The following DMD variants were observed in gnomAD, a reference collection of about 807,000 sequenced individuals.
The protein encoded by DMD is dystrophin, also known as mutant dystrophin.
A neutral mutation model predicts 330.1 loss-of-function variants in DMD; 63 were observed. The observed-to-expected ratio is 0.19, with a 90% CI of 0.16 to 0.24. The LOEUF is 0.24. Ranked by LOEUF, DMD falls within the 10% of genes least tolerant of loss-of-function variation. The probability of loss-of-function intolerance (pLI) is 1.00; values close to 1 mark genes in which losing one functional copy is unlikely to be tolerated. For synonymous variants in DMD, 1,223 were observed against 959.8 expected (o/e 1.27, Z -5.07); for missense variants, 3,344 against 2,684.1 (o/e 1.25, Z -5.43).
intron 59 of DMD, among the ~76,000 whole-genome samples, chrX:31,464,597 G>A (rs1465570513): frequency 7.1e-5 from 8 of 112,344 alleles, no homozygotes; most frequent in South Asian, 7.4e-4. Context: ...GTTTTAAATC[G>A]TTTGTTTGGT....
At chrX:31,670,371 T>A (rs1316384460) in intron 53 of DMD, among the ~76,000 whole-genome samples, 1 of 112,265 alleles carries the variant, frequency 8.9e-6, no homozygotes, top group East Asian at 2.8e-4. Context: ...CACTATTTCC[T>A]GATCTTAGGG....
At chrX:31,881,765 C>T (rs931208328) in intron 47 of DMD, among the ~76,000 whole-genome samples, 2 of 112,028 alleles carry the variant, frequency 1.8e-5, no homozygotes, top group South Asian at 3.7e-4. Context: ...GTGCAGTAGG[C>T]TATACCATCT....
At chrX:32,696,674 A>G (rs1432280214) in intron 9 of DMD, among the ~76,000 whole-genome samples, 1 of 111,207 alleles carries the variant, frequency 9.0e-6, no homozygotes, top group African/African-American at 3.3e-5. Flanking sequence ...AGCTCAATAA[A>G]GTGATAATGA....
intron 61 of DMD, among the ~76,000 whole-genome samples, chrX:31,325,057 C>A (rs1002642006): frequency 2.7e-5 from 3 of 111,973 alleles, no homozygotes; most frequent in African/African-American, 9.7e-5. Context: ...TTCATTTTGG[C>A]AGACGGAAAT....
rs760459966 is a variant in DMD at position 32,938,696 on chromosome X, A to AT, written c.93+81442dup. Reference sequence around the variant, plus strand: ...ATTGAAAAGTAGGTAGACAACATTTATTTTTTGTCTTTATTTGCCAAACGA... The same window carrying AT: ...ATTGAAAAGTAGGTAGACAACATTTATTTTTTTGTCTTTATTTGCCAAACGA... On this transcript the variant is annotated intron_variant, in intron 2 of 78. Transcript: ENST00000357033. 6.3e-5 allele frequency among the ~76,000 whole-genome samples: 7 copies of AT among 111,450 alleles called. No homozygotes were observed. The South Asian group carries it at 2.3e-3, about 36-fold the overall frequency.
At chrX:31,822,975 C>A (rs1162224462) in intron 49 of DMD, among the ~76,000 whole-genome samples, 1 of 105,393 alleles carries the variant, frequency 9.5e-6, no homozygotes. Flanking sequence ...ACGCCCCTTC[C>A]CCTTCCTCTC....
At chrX:32,849,587 G>C (rs2080964222) in intron 3 of DMD, 141 bp downstream of exon 3, 1 of 454,655 alleles carries the variant, frequency 2.2e-6, no homozygotes, top group African/African-American at 2.5e-5. Context: ...AATCATACGA[G>C]GTTGCTTTAC....
chrX:32,416,356 G>A (rs1350053872), intron 29 of DMD, among the ~76,000 whole-genome samples: 2 of 111,625 alleles, frequency 1.8e-5, no homozygotes, highest in Non-Finnish European at 3.8e-5. Context: ...CAATCATCTC[G>A]TAATAAGACA....
At chrX:32,467,260 T>G (rs1017859675) in intron 23 of DMD, among the ~76,000 whole-genome samples, 2 of 111,837 alleles carry the variant, frequency 1.8e-5, no homozygotes, top group African/African-American at 3.2e-5. Context: ...CCATAACGTT[T>G]TCGACATTTC....
intron 67 of DMD, among the ~76,000 whole-genome samples, chrX:31,201,207 A>G (rs1384312208): frequency 9.2e-6 from 1 of 109,192 alleles, no homozygotes; most frequent in East Asian, 2.9e-4. Context: ...ACGCACACAC[A>G]CACACATACA....
chrX:32,722,322 A>G (rs2066412240), intron 7 of DMD, among the ~76,000 whole-genome samples: 1 of 111,302 alleles, frequency 9.0e-6, no homozygotes, highest in Admixed American at 9.6e-5. Context: ...TACAAGTAAA[A>G]ATAATATATG....
intron 44 of DMD, among the ~76,000 whole-genome samples, chrX:32,082,283 G>A (rs1192837316): frequency 9.0e-6 from 1 of 111,059 alleles, no homozygotes; most frequent in East Asian, 2.9e-4. Flanking sequence ...GGAGTGCAGT[G>A]GCAGGAGGGA....
chrX:32,019,835 T>C (rs1253725708), intron 44 of DMD, among the ~76,000 whole-genome samples: 1 of 112,628 alleles, frequency 8.9e-6, no homozygotes, highest in African/African-American at 3.2e-5. Context: ...TTCAGATAAC[T>C]TATTTTAGTT....
At chrX:32,353,571 C>T (rs1439914192) in intron 37 of DMD, among the ~76,000 whole-genome samples, 2 of 111,306 alleles carry the variant, frequency 1.8e-5, no homozygotes, top group East Asian at 5.6e-4. Flanking sequence ...AATTAAATCA[C>T]ACAATGTTAG....
At chrX:32,787,514 T>C (rs2075487558) in intron 7 of DMD, among the ~76,000 whole-genome samples, 2 of 110,731 alleles carry the variant, frequency 1.8e-5, no homozygotes, top group Admixed American at 1.9e-4. Flanking sequence ...TTCCAAGACC[T>C]ACAGCAGATG....
intron 55 of DMD, among the ~76,000 whole-genome samples, chrX:31,594,304 A>C (rs973459651): frequency 3.6e-5 from 4 of 110,527 alleles, no homozygotes; most frequent in Non-Finnish European, 7.6e-5. Context: ...CAATAGACAA[A>C]TTAGCTCAGA....
At chrX:31,657,215 A>C (rs2080833782) in intron 54 of DMD, among the ~76,000 whole-genome samples, 1 of 111,655 alleles carries the variant, frequency 9.0e-6, no homozygotes, top group Non-Finnish European at 1.9e-5. Context: ...GTAATTGTAC[A>C]TTCTGCAAAG....
chrX:33,330,140 CTT>C (rs1379067150), intron 1 of DMD, among the ~76,000 whole-genome samples: 1 of 110,285 alleles, frequency 9.1e-6, no homozygotes, highest in East Asian at 2.9e-4. Context: ...GAGAGAGAGA[CTT>C]TTTTCGATAA....
intron 44 of DMD, among the ~76,000 whole-genome samples, chrX:32,141,734 T>C (rs978855476): frequency 6.6e-5 from 7 of 106,033 alleles, no homozygotes; most frequent in Admixed American, 4.1e-4. Flanking sequence ...CGATCTTGCA[T>C]GGTTTCTCAA....
Sources: allele counts gnomAD v4.1 joint callset (sites outside exome capture counted in the v4.1 genomes callset), GRCh38; gene constraint gnomAD v4.1.1; transcripts MANE v1.5; gene names NCBI Gene and HGNC (gene_info 2026-07-23, HGNC 2026-07-21).